AGAP1: variants seen among roughly 807,000 people sequenced by gnomAD.
AGAP1 encodes arf-GAP with GTPase, ANK repeat and PH domain-containing protein 1.
A neutral mutation model predicts 105.3 loss-of-function variants in AGAP1; 29 were observed. The observed-to-expected ratio is 0.28, with a 90% CI of 0.21 to 0.38. The LOEUF is 0.38. Among genes scored for constraint, AGAP1 ranks in the 10% least tolerant of loss-of-function variants. The probability of loss-of-function intolerance (pLI) is 1.00; values close to 1 mark genes in which losing one functional copy is unlikely to be tolerated. For synonymous variants in AGAP1, 509 were observed against 485.9 expected (o/e 1.05, Z -0.63); for missense variants, 998 against 1,165.1 (o/e 0.86, Z 2.09).
chr2:236,105,661 TTCTCCCGCGTTCACGCC>T lies in AGAP1; in HGVS notation c.2115-14530_2115-14514del, dbSNP rs2059468067. Among the ~76,000 whole-genome samples, 1 of 58,130 alleles carries T rather than the reference TTCTCCCGCGTTCACGCC, an allele frequency of 1.7e-5. No individual in the cohort carries two copies. The highest frequency in any genetic ancestry group is 4.5e-5 in the Non-Finnish European group (1 of 22,058). The allele number at this position is 58,130 out of a possible 152,430, so 38.1% of individuals were successfully genotyped here. On this transcript the variant is annotated intron_variant, in intron 16 of 17. Transcript: ENST00000304032. The surrounding 1 kb of genome is among the most constrained non-coding windows in gnomAD (Gnocchi z 4.2). ...ACCTCCGCCTCCCGGGTTCACACCATTCTCCCGCGTTCACGCCATTCTCCCGCGTTCACGCCATTCTC... is the reference window on the plus strand; with the variant it reads ...ACCTCCGCCTCCCGGGTTCACACCATATTCTCCCGCGTTCACGCCATTCTC...
At chr2:235,911,964 A>G (rs1475232761) in intron 11 of AGAP1, among the ~76,000 whole-genome samples, 4 of 152,206 alleles carry the variant, frequency 2.6e-5, no homozygotes, top group Admixed American at 2.6e-4. Flanking sequence ...CAGCAGTGCT[A>G]AGGGAAGTGG....
At chr2:235,685,529 A>G (rs1949332744) in intron 1 of AGAP1, among the ~76,000 whole-genome samples, 1 of 151,568 alleles carries the variant, frequency 6.6e-6, no homozygotes, top group African/African-American at 2.4e-5. Flanking sequence ...CCTGACCAGT[A>G]GAGAACAAAT....
intron 11 of AGAP1, among the ~76,000 whole-genome samples, chr2:235,925,521 A>G (rs1342824080): frequency 1.3e-5 from 2 of 152,140 alleles, no homozygotes; most frequent in African/African-American, 4.8e-5. Flanking sequence ...TCCTCATGGC[A>G]TTTCTGAATG....
chr2:236,077,608 C>A (rs1295049659), intron 16 of AGAP1, among the ~76,000 whole-genome samples: 1 of 152,118 alleles, frequency 6.6e-6, no homozygotes, highest in Non-Finnish European at 1.5e-5. Context: ...CATGAGCCAC[C>A]ACCCCCAGCC....
chr2:235,671,683 C>G (rs1379606079), intron 1 of AGAP1, among the ~76,000 whole-genome samples: 1 of 152,146 alleles, frequency 6.6e-6, no homozygotes, highest in Non-Finnish European at 1.5e-5. Context: ...ATGAGGAGAG[C>G]GAGTCTGGGA....
rs1476427287 is a variant in AGAP1 at position 235,691,742 on chromosome 2, C to T, written c.164-17437C>T. 2.6e-5 allele frequency among the ~76,000 whole-genome samples: 4 copies of T among 152,334 alleles called. No individual in the cohort carries two copies. Among genetic ancestry groups the T allele is most frequent in the South Asian group, 4.1e-4 (2 of 4,830 alleles). On this transcript the variant is annotated intron_variant, in intron 1 of 17. Coordinates refer to ENST00000304032, the MANE Select transcript of AGAP1 (RefSeq NM_001037131.3). This position sits in a 1 kb window ranked among gnomAD's most constrained non-coding sequence, Gnocchi z 4.4. The stretch of plus-strand genomic sequence containing the variant: ...CTGGGGACCACGCCTCCCTTCCCTT[C>T]CTTCCCTGTCCTGAGTGTGACCTCC...
Position 235,689,610 on chromosome 2 carries a change from T to G in AGAP1, c.164-19569T>G, listed in dbSNP as rs1308939289. On this transcript the variant is annotated intron_variant, in intron 1 of 17. Transcript: ENST00000304032. The surrounding 1 kb of genome is among the most constrained non-coding windows in gnomAD (Gnocchi z 4.2). ...ATTGTTTCAGGCAAATAATTTCTGATGGACACCAAATTGGCAGGTCACCAT... is the reference window on the plus strand; with the variant it reads ...ATTGTTTCAGGCAAATAATTTCTGAGGGACACCAAATTGGCAGGTCACCAT... Among the ~76,000 whole-genome samples the G allele has an allele frequency of 6.6e-6, 1 of 152,174 alleles. No individual in the cohort carries two copies. Among genetic ancestry groups the G allele is most frequent in the Non-Finnish European group, 1.5e-5 (1 of 68,034 alleles).
rs1033653963 is a variant in AGAP1, at chr2:236,027,487, C to T, written c.1646-9074C>T. On this transcript the variant is annotated intron_variant, in intron 13 of 17. Coordinates refer to ENST00000304032, the MANE Select transcript of AGAP1 (RefSeq NM_001037131.3). This position sits in a 1 kb window ranked among gnomAD's most constrained non-coding sequence, Gnocchi z 4.4. ...CGCCGGTGCCCACCTCTGCGCTGAGCATGTAGGGTTCCATCTCCCGCCTCT... is the reference window on the plus strand; with the variant it reads ...CGCCGGTGCCCACCTCTGCGCTGAGTATGTAGGGTTCCATCTCCCGCCTCT... Among the ~76,000 whole-genome samples, 2 of 152,270 alleles carry T rather than the reference C, an allele frequency of 1.3e-5. No homozygotes were observed. The highest frequency in any genetic ancestry group is 2.4e-5 in the African/African-American group (1 of 41,552).
rs2054453592 is a variant in AGAP1, at chr2:235,967,488, T to C, written c.1484-974T>C. The stretch of plus-strand genomic sequence containing the variant: ...AGAGTCCCCATTGGGGCAGGAATGT[T>C]TATCTGTTTCTCCTCGATCAATGAT... On this transcript the variant is annotated intron_variant, in intron 12 of 17. Transcript: ENST00000304032. The surrounding 1 kb of genome is among the most constrained non-coding windows in gnomAD (Gnocchi z 4.7). 6.6e-6 allele frequency among the ~76,000 whole-genome samples: 1 copy of C among 152,178 alleles called. No individual in the cohort carries two copies. The highest frequency in any genetic ancestry group is 2.4e-5 in the African/African-American group (1 of 41,436).
chr2:235,955,878 T>A (rs1295216247), intron 12 of AGAP1, among the ~76,000 whole-genome samples: 1 of 152,156 alleles, frequency 6.6e-6, no homozygotes, highest in Non-Finnish European at 1.5e-5. Context: ...ACAAAGCCCC[T>A]CGCTGTACTG....
At position 235,889,546 on chromosome 2, in the gene AGAP1, C is replaced by CT. The variant is rs5839611; in HGVS notation, c.1155+6113dup. 0.31 allele frequency among the ~76,000 whole-genome samples: 44,362 copies of CT among 140,832 alleles called. 7,260 individuals carry two copies. The highest frequency in any genetic ancestry group is 0.61 in the South Asian group (2,728 of 4,486). 92.4% of individuals were successfully genotyped at this position (140,832 alleles called of 152,430 possible). On this transcript the variant is annotated intron_variant, in intron 10 of 17. Transcript: ENST00000304032. This position sits in a 1 kb window ranked among gnomAD's most constrained non-coding sequence, Gnocchi z 4.6. ...CGTCATCCCCCAAAAGTGTCTTTGC[C>CT]TTTTTTTTTTTTTTTTAGCCCTGAG...
intron 1 of AGAP1, among the ~76,000 whole-genome samples, chr2:235,499,445 C>T (rs1295170297): frequency 3.9e-5 from 6 of 152,198 alleles, no homozygotes; most frequent in African/African-American, 1.4e-4. Context: ...TTCTTTGTCA[C>T]CATTGGCCAT....
Position 236,069,621 on chromosome 2 carries a change from ACCATGTT to A in AGAP1, c.2114+20341_2114+20347del, listed in dbSNP as rs750025828. On this transcript the variant is annotated intron_variant, in intron 16 of 17. Coordinates refer to ENST00000304032, the MANE Select transcript of AGAP1 (RefSeq NM_001037131.3). ...GTATTTTTAGTAGAGACGGGGTTTC[ACCATGTT>A]GGCCAGGCTGGTCTTGAACGCCTGA... Among the ~76,000 whole-genome samples the A allele has an allele frequency of 2.4e-3, 362 of 152,234 alleles. 4 individuals are homozygous for A. The highest frequency in any genetic ancestry group is 4.1e-3 in the Non-Finnish European group (282 of 68,016).
chr2:235,663,489 C>A lies in AGAP1; in HGVS notation c.164-45690C>A, dbSNP rs1306812641. 6.6e-6 allele frequency among the ~76,000 whole-genome samples: 1 copy of A among 152,154 alleles called. No individual in the cohort carries two copies. Among genetic ancestry groups the A allele is most frequent in the African/African-American group, 2.4e-5 (1 of 41,448 alleles). On this transcript the variant is annotated intron_variant, in intron 1 of 17. Coordinates refer to ENST00000304032, the MANE Select transcript of AGAP1 (RefSeq NM_001037131.3). The surrounding 1 kb of genome is among the most constrained non-coding windows in gnomAD (Gnocchi z 5.4). ...AAGAGTTTTCAGATATCTCTGCAGC[C>A]AAATCCCAAATGGGATGCAGAAGGG...
At chr2:236,099,219 G>A (rs922621943) in intron 16 of AGAP1, among the ~76,000 whole-genome samples, 2 of 152,098 alleles carry the variant, frequency 1.3e-5, no homozygotes, top group African/African-American at 4.8e-5. Flanking sequence ...TTGGGAGGCC[G>A]AGGGAGGCGG....
chr2:235,949,671 A>G (rs1044965049), intron 12 of AGAP1, among the ~76,000 whole-genome samples: 2 of 152,188 alleles, frequency 1.3e-5, no homozygotes, highest in African/African-American at 4.8e-5. Flanking sequence ...CTTTTTGCTA[A>G]TATCAGTTAA....
rs116658146 is a variant in AGAP1 at position 235,938,372 on chromosome 2, C to T, written c.1483+7449C>T. On this transcript the variant is annotated intron_variant, in intron 12 of 17. Coordinates refer to ENST00000304032, the MANE Select transcript of AGAP1 (RefSeq NM_001037131.3). The stretch of plus-strand genomic sequence containing the variant: ...TAAGCTGTTCTCCTGCCCACCCGAC[C>T]GCCTCCAAGAACGCTGGGTGCGCAG... 3.5e-3 allele frequency among the ~76,000 whole-genome samples: 531 copies of T among 152,290 alleles called. 1 individual carries two copies. Among genetic ancestry groups the T allele is most frequent in the African/African-American group, 0.012 (480 of 41,562 alleles).
intron 6 of AGAP1, among the ~76,000 whole-genome samples, chr2:235,781,762 T>C (rs1159482524): frequency 1.3e-5 from 2 of 151,996 alleles, no homozygotes; most frequent in Admixed American, 6.6e-5. Flanking sequence ...AATACCCAAA[T>C]AGCAAATTAT....
intron 1 of AGAP1, among the ~76,000 whole-genome samples, chr2:235,544,862 C>T (rs146366671): frequency 3.3e-5 from 5 of 152,176 alleles, no homozygotes; most frequent in African/African-American, 9.6e-5. Context: ...TGTTGGGTCA[C>T]GTTGCTGTCT....
Sources: allele counts gnomAD v4.1 joint callset (sites outside exome capture counted in the v4.1 genomes callset), GRCh38; gene constraint gnomAD v4.1.1; non-coding constraint Gnocchi (gnomAD v3.1); transcripts MANE v1.5; gene names NCBI Gene and HGNC (gene_info 2026-07-23, HGNC 2026-07-21).